Variants in CTDSPL2 observed in about 807,000 individuals in gnomAD.
CTDSPL2 encodes the protein CTD small phosphatase-like protein 2.
In CTDSPL2, 5 loss-of-function variants were observed where a neutral mutation model predicts 60.0. That is an observed-to-expected ratio of 0.08 (90% CI 0.04 to 0.18). CTDSPL2 has a LOEUF of 0.18. CTDSPL2 is among the 10% of genes least tolerant of loss of function. CTDSPL2 has a pLI of 1.00. For synonymous variants in CTDSPL2, 186 were observed against 189.3 expected (o/e 0.98, Z 0.14); for missense variants, 370 against 548.8 (o/e 0.67, Z 3.26).
intron 1 of CTDSPL2, chr15:44,449,178 C>G (rs1490640056): frequency 2.0e-5 from 6 of 292,836 alleles, no homozygotes; most frequent in African/African-American, 1.1e-4. Context: ...CATATCTGTT[C>G]CACCAGTGGT....
intron 4 of CTDSPL2, among the ~76,000 whole-genome samples, chr15:44,489,410 G>C (rs1345964295): frequency 6.6e-6 from 1 of 152,118 alleles, no homozygotes; most frequent in Admixed American, 6.5e-5. Context: ...TTGAGAAGAA[G>C]TGTTTGAGGG....
At chr15:44,428,679 C>G (rs1409978299) in intron 1 of CTDSPL2, among the ~76,000 whole-genome samples, 1 of 152,174 alleles carries the variant, frequency 6.6e-6, no homozygotes, top group Non-Finnish European at 1.5e-5. Flanking sequence ...TAACGCAGTA[C>G]CAAGATGAAT....
At chr15:44,441,592 A>G (rs1168823624) in intron 1 of CTDSPL2, among the ~76,000 whole-genome samples, 2 of 152,088 alleles carry the variant, frequency 1.3e-5, no homozygotes, top group African/African-American at 2.4e-5. Context: ...TTATGGAACC[A>G]TTGTTTCTTC....
chr15:44,469,091 C>T (rs2080754418), intron 2 of CTDSPL2, among the ~76,000 whole-genome samples: 1 of 152,040 alleles, frequency 6.6e-6, no homozygotes, highest in Non-Finnish European at 1.5e-5. Context: ...TTGGTAATCT[C>T]TTACTGTGTC....
chr15:44,479,077 C>CA (rs528316321), intron 2 of CTDSPL2, among the ~76,000 whole-genome samples: 4,717 of 137,416 alleles, frequency 0.034, 105 homozygotes, highest in East Asian at 0.11. Context: ...AACAAACAAA[C>CA]AAAAAAAAAA....
chr15:44,514,482 T>C, intron 8 of CTDSPL2, 116 bp from the exon 9 acceptor site: 3 of 683,264 alleles, frequency 4.4e-6, no homozygotes, highest in Non-Finnish European at 7.8e-6. Context: ...AATATTTCTA[T>C]ACTTTAAAAC....
intron 1 of CTDSPL2, among the ~76,000 whole-genome samples, chr15:44,429,871 A>C (rs970421941): frequency 2.0e-5 from 3 of 152,248 alleles, no homozygotes; most frequent in Non-Finnish European, 4.4e-5. Flanking sequence ...GTCTCAAAAA[A>C]AAAGAATGTA....
chr15:44,479,190 C>A (rs1324712734), intron 2 of CTDSPL2, among the ~76,000 whole-genome samples: 2 of 151,896 alleles, frequency 1.3e-5, no homozygotes, highest in African/African-American at 4.8e-5. Flanking sequence ...AATTTGAGAC[C>A]AGTTTGGGCA....
chr15:44,510,492 A>T (rs1476865430), intron 8 of CTDSPL2, among the ~76,000 whole-genome samples: 5 of 152,178 alleles, frequency 3.3e-5, no homozygotes, highest in African/African-American at 1.2e-4. Context: ...GTTTACTGAG[A>T]AAATATTAAA....
intron 1 of CTDSPL2, among the ~76,000 whole-genome samples, chr15:44,428,892 A>G (rs568178884): frequency 1.4e-4 from 22 of 152,014 alleles, no homozygotes; most frequent in Non-Finnish European, 2.9e-5. Context: ...TTTTTTTTAA[A>G]TTACATTGCA....
chr15:44,484,402 C>G (rs1399383777), intron 3 of CTDSPL2, 40 bp downstream of exon 3: 13 of 1,568,044 alleles, frequency 8.3e-6, no homozygotes, highest in Non-Finnish European at 1.1e-5. Flanking sequence ...TAGGTGTAAG[C>G]AGAGATCTCA....
At chr15:44,436,002 C>T (rs752214637) in intron 1 of CTDSPL2, among the ~76,000 whole-genome samples, 2 of 151,962 alleles carry the variant, frequency 1.3e-5, no homozygotes, top group Non-Finnish European at 2.9e-5. Flanking sequence ...GTTTTTTCCC[C>T]AAGTCCTCCT....
At position 44,526,922 on chromosome 15, in the gene CTDSPL2, A is replaced by G. The variant is rs2081885120; in HGVS notation, c.*2748A>G. The G allele has an allele frequency of 6.6e-6, 1 of 152,558 alleles. No individual in the cohort carries two copies. Among genetic ancestry groups the G allele is most frequent in the Non-Finnish European group, 1.5e-5 (1 of 67,978 alleles). The allele number at this position is 152,558 out of a possible 1,614,324, so 9.5% of individuals were successfully genotyped here. On this transcript the variant is annotated 3_prime_UTR_variant, in exon 13 of 13. Transcript: ENST00000260327. The stretch of plus-strand genomic sequence containing the variant: ...CTGGAGTACATATTAAAGTCGTGCT[A>G]TTTCCAGTGGTAAATGTCTGACTTT...
intron 1 of CTDSPL2, 70 bp from the exon 2 acceptor site, chr15:44,458,921 C>T (rs1212943462): frequency 9.7e-7 from 1 of 1,026,684 alleles, no homozygotes; most frequent in Admixed American, 3.2e-5. Context: ...AAGCTGGGCA[C>T]ATTTGGGTAG....
intron 8 of CTDSPL2, among the ~76,000 whole-genome samples, chr15:44,504,366 A>C (rs2081425370): frequency 6.6e-6 from 1 of 152,124 alleles, no homozygotes; most frequent in Non-Finnish European, 1.5e-5. Context: ...GAAAAGAAAG[A>C]ACAAGAGAAG....
intron 1 of CTDSPL2, among the ~76,000 whole-genome samples, chr15:44,431,614 A>G (rs2079858057): frequency 6.6e-6 from 1 of 152,078 alleles, no homozygotes; most frequent in South Asian, 2.1e-4. Flanking sequence ...ATTAGCACAG[A>G]TTGACTATCA....
rs756082933 is a variant in CTDSPL2, at chr15:44,486,674, A to G, written c.449A>G (p.Asn150Ser). 3 of 1,586,218 alleles carry G rather than the reference A, an allele frequency of 1.9e-6. No homozygotes were observed. Among genetic ancestry groups the G allele is most frequent in the Non-Finnish European group, 2.6e-6 (3 of 1,171,004 alleles). The change falls in exon 4 of 13, where the codon AAC (asparagine) becomes AGC (serine). Residue 150 changes from asparagine to serine, a missense_variant. Around this residue, in one of 6 missense-constraint regions of CTDSPL2, gnomAD observed 287 missense variants for 296.1 expected, o/e 0.97. Transcript: ENST00000260327. ...GGGACCATATTTTCACCTGTCTTCA[A>G]CTTTTTTTCACCAGCAAATAAAAAT... is the stretch of plus-strand genomic sequence containing the variant. ...LLGTIFSPVF[N>S]FFSPANKNGT...
At chr15:44,513,330 G>A (rs1446956543) in intron 8 of CTDSPL2, among the ~76,000 whole-genome samples, 1 of 151,858 alleles carries the variant, frequency 6.6e-6, no homozygotes, top group African/African-American at 2.4e-5. Flanking sequence ...AGCCGGTCGT[G>A]GTGATGAGCA....
At chr15:44,497,648 G>A (rs1383952588) in intron 7 of CTDSPL2, among the ~76,000 whole-genome samples, 1 of 152,038 alleles carries the variant, frequency 6.6e-6, no homozygotes, top group Middle Eastern at 3.2e-3. Context: ...GGAATTACAG[G>A]CATGAGCCAC....
Sources: allele counts gnomAD v4.1 joint callset (sites outside exome capture counted in the v4.1 genomes callset), GRCh38; gene constraint gnomAD v4.1.1; regional missense constraint gnomAD v4.1.1; transcripts MANE v1.5; gene names NCBI Gene and HGNC (gene_info 2026-07-23, HGNC 2026-07-21).